Variants in ZDHHC20 observed in about 807,000 individuals in gnomAD.
ZDHHC20 encodes zDHHC palmitoyltransferase 20.
Under a neutral mutation model 57.8 loss-of-function variants are expected in ZDHHC20, and 43 were observed. The ratio of observed to expected loss-of-function variants is 0.74; its 90% CI spans 0.58 to 0.96. ZDHHC20 has a LOEUF of 0.96. Ranked by LOEUF, ZDHHC20 falls within the 40% of genes least tolerant of loss-of-function variation. The probability of loss-of-function intolerance (pLI) is 0.00; values close to 1 mark genes in which losing one functional copy is unlikely to be tolerated. For missense variants in ZDHHC20, 391 were observed against 441.1 expected (o/e 0.89, Z 1.02); for synonymous variants, 157 against 153.0 (o/e 1.03, Z -0.19).
At position 21,414,369 on chromosome 13, in the gene ZDHHC20, C is replaced by CT. The variant is rs563334512; in HGVS notation, c.250-598dup. Among the ~76,000 whole-genome samples, 65 of 134,006 alleles carry CT rather than the reference C, an allele frequency of 4.9e-4. No homozygotes were observed. In the South Asian group the frequency reaches 0.012, roughly 25 times the overall value. 87.9% of individuals were successfully genotyped at this position (134,006 alleles called of 152,430 possible). On this transcript the variant is annotated intron_variant, in intron 3 of 12. Coordinates refer to ENST00000400590, the MANE Select transcript of ZDHHC20 (RefSeq NM_001330059.2). The stretch of plus-strand genomic sequence containing the variant: ...AGTCCTTTATAGACCTTTTTTTTTT[C>CT]TTTTTTTTTGAGACGGAGTCTTGCT...
intron 1 of ZDHHC20, among the ~76,000 whole-genome samples, chr13:21,441,736 T>C (rs902950723): frequency 1.3e-5 from 2 of 152,032 alleles, no homozygotes; most frequent in Non-Finnish European, 2.9e-5. Flanking sequence ...AATTATTGTA[T>C]ATATAAAAAG....
chr13:21,404,419 C>T (rs1256932463), intron 4 of ZDHHC20: 2 of 455,314 alleles, frequency 4.4e-6, no homozygotes, highest in Admixed American at 2.4e-5. Flanking sequence ...TTTGACAACC[C>T]TAATATGGAA....
rs934223751 is a variant in ZDHHC20, at chr13:21,401,802, C to A, written c.441-117G>T. Reference sequence around the variant, plus strand: ...CTTTACAACTACATCTTAAGAGAATCAACCCAGAAACTAGGTTAGAGATAA... The same window carrying A: ...CTTTACAACTACATCTTAAGAGAATAAACCCAGAAACTAGGTTAGAGATAA... On this transcript the variant is annotated intron_variant, in intron 5 of 12. Coordinates refer to ENST00000400590, the MANE Select transcript of ZDHHC20 (RefSeq NM_001330059.2). 9.1e-6 allele frequency: 8 copies of A among 877,018 alleles called. No individual in the cohort carries two copies. In the South Asian group the frequency reaches 1.6e-4, roughly 18 times the overall value. The allele number at this position is 877,018 out of a possible 1,614,324, so 54.3% of individuals were successfully genotyped here.
At chr13:21,397,554 T>C (rs1378201481) in intron 7 of ZDHHC20, among the ~76,000 whole-genome samples, 2 of 151,640 alleles carry the variant, frequency 1.3e-5, no homozygotes, top group South Asian at 2.1e-4. Flanking sequence ...CCCAGCTACT[T>C]GGGGGCTTGA....
intron 1 of ZDHHC20, among the ~76,000 whole-genome samples, chr13:21,430,285 G>T (rs1223612977): frequency 6.6e-6 from 1 of 152,072 alleles, no homozygotes; most frequent in African/African-American, 2.4e-5. Flanking sequence ...CCAGCTCCCT[G>T]CTAGGCTTCT....
At chr13:21,438,736 C>CT (rs1478731388) in intron 1 of ZDHHC20, among the ~76,000 whole-genome samples, 1 of 152,148 alleles carries the variant, frequency 6.6e-6, no homozygotes, top group African/African-American at 2.4e-5. Context: ...GAGTAAAATG[C>CT]TGTCAAACAG....
chr13:21,452,556 A>G (rs1412467782), intron 1 of ZDHHC20, among the ~76,000 whole-genome samples: 2 of 152,224 alleles, frequency 1.3e-5, no homozygotes, highest in Non-Finnish European at 2.9e-5. Context: ...AGGAATAAAT[A>G]CATATATTTT....
At chr13:21,458,568 T>C (rs1044092453) in intron 1 of ZDHHC20, among the ~76,000 whole-genome samples, 1 of 152,102 alleles carries the variant, frequency 6.6e-6, no homozygotes, top group Non-Finnish European at 1.5e-5. Context: ...CACACCTCCC[T>C]TCCCCCAACC....
chr13:21,375,069 G>C lies in ZDHHC20; in HGVS notation c.*1627C>G, dbSNP rs1256771864. 3 of 453,426 alleles carry C rather than the reference G, an allele frequency of 6.6e-6. No homozygotes were observed. The highest frequency in any genetic ancestry group is 2.0e-5 in the African/African-American group (1 of 49,988). 28.1% of individuals were successfully genotyped at this position (453,426 alleles called of 1,614,324 possible). A position where few individuals can be genotyped will look rare whatever the true frequency, so the allele number is the denominator to read the frequency against. On this transcript the variant is annotated 3_prime_UTR_variant, in exon 13 of 13. Coordinates refer to ENST00000400590, the MANE Select transcript of ZDHHC20 (RefSeq NM_001330059.2). ...GACTCTATTGAACCTGGAAGGCAGAGGTTGCAGCGAGCCAAGATCCCGCCA... is the reference window on the plus strand; with the variant it reads ...GACTCTATTGAACCTGGAAGGCAGACGTTGCAGCGAGCCAAGATCCCGCCA...
intron 4 of ZDHHC20, among the ~76,000 whole-genome samples, chr13:21,404,805 G>A (rs575308138): frequency 2.0e-5 from 3 of 151,126 alleles, no homozygotes; most frequent in Admixed American, 6.6e-5. Flanking sequence ...TCTCCAAAGG[G>A]AAAAGAATAT....
chr13:21,434,959 C>G (rs931509873), intron 1 of ZDHHC20, among the ~76,000 whole-genome samples: 2 of 151,198 alleles, frequency 1.3e-5, no homozygotes, highest in African/African-American at 2.4e-5. Context: ...AGATTCCTAA[C>G]AGTGGGATTA....
Position 21,441,780 on chromosome 13 carries a change from C to T in ZDHHC20, c.119-16102G>A, listed in dbSNP as rs74039323. 4.6e-3 allele frequency among the ~76,000 whole-genome samples: 704 copies of T among 151,884 alleles called. 10 individuals carry two copies. Among genetic ancestry groups the T allele is most frequent in the African/African-American group, 0.016 (662 of 41,420 alleles). On this transcript the variant is annotated intron_variant, in intron 1 of 12. Transcript: ENST00000400590. Reference sequence around the variant, plus strand: ...TTTGTTGCTAATTTTTTTATTCTGCCGTTTTACTCAATTCTTTTTGTCTGG... The same window carrying T: ...TTTGTTGCTAATTTTTTTATTCTGCTGTTTTACTCAATTCTTTTTGTCTGG...
intron 5 of ZDHHC20, among the ~76,000 whole-genome samples, 171 bp downstream of exon 5, chr13:21,402,626 A>G (rs1877855922): frequency 6.6e-6 from 1 of 152,242 alleles, no homozygotes; most frequent in Admixed American, 6.5e-5. Flanking sequence ...ACTTGTGAGT[A>G]TATTCCAGCT....
At chr13:21,411,406 TA>T (rs1391035672) in intron 4 of ZDHHC20, among the ~76,000 whole-genome samples, 1 of 152,164 alleles carries the variant, frequency 6.6e-6, no homozygotes, top group Non-Finnish European at 1.5e-5. Flanking sequence ...CCATATAATG[TA>T]GAAAAAGTAG....
At chr13:21,398,937 A>G (rs573962951) in intron 7 of ZDHHC20, among the ~76,000 whole-genome samples, 1 of 152,380 alleles carries the variant, frequency 6.6e-6, no homozygotes, top group South Asian at 2.1e-4. Flanking sequence ...ACAGTGAGAC[A>G]GCCCAGGACT....
intron 1 of ZDHHC20, among the ~76,000 whole-genome samples, chr13:21,457,725 T>C (rs1885041101): frequency 6.6e-6 from 1 of 152,222 alleles, no homozygotes; most frequent in Admixed American, 6.5e-5. Context: ...CTTCCATGTA[T>C]AGAACTAGGG....
chr13:21,425,502 A>C (rs1881148923), intron 2 of ZDHHC20, 150 bp downstream of exon 2: 2 of 506,952 alleles, frequency 3.9e-6, no homozygotes, highest in Non-Finnish European at 3.1e-6. Context: ...TAACCCCATT[A>C]CTAGATCTCC....
At chr13:21,446,572 A>AT (rs1159931521) in intron 1 of ZDHHC20, among the ~76,000 whole-genome samples, 6 of 152,240 alleles carry the variant, frequency 3.9e-5, no homozygotes, top group East Asian at 1.9e-4. Flanking sequence ...TTAAAACCAA[A>AT]TTTTTTTTAA....
intron 1 of ZDHHC20, among the ~76,000 whole-genome samples, chr13:21,429,231 T>A (rs917795852): frequency 2.2e-4 from 34 of 152,206 alleles, no homozygotes; most frequent in Admixed American, 1.7e-3. Flanking sequence ...AAAAAATTTT[T>A]TTGCCCTCCT....
Sources: gnomAD v4.1 joint callset for allele counts (sites outside exome capture counted in the v4.1 genomes callset) on GRCh38, gnomAD v4.1.1 for gene constraint, MANE v1.5 for transcripts, NCBI Gene and HGNC (gene_info 2026-07-23, HGNC 2026-07-21) for gene names.